KCNMA1: variants seen among roughly 807,000 people sequenced by gnomAD.
KCNMA1 encodes the protein Calcium-activated potassium channel subunit alpha-1.
KCNMA1 carries 29 observed loss-of-function variants against 140.0 expected under a neutral mutation model. The ratio of observed to expected loss-of-function variants is 0.21; its 90% CI spans 0.15 to 0.28. KCNMA1 has a LOEUF of 0.28. KCNMA1 is among the 10% of genes least tolerant of loss of function. The pLI, the probability that KCNMA1 is intolerant of heterozygous loss-of-function variation, is 1.00. For synonymous variants in KCNMA1, 612 were observed against 611.9 expected (o/e 1.00, Z 0.00); for missense variants, 880 against 1,602.2 (o/e 0.55, Z 7.70).
At chr10:77,450,802 T>G (rs1013584860) in intron 1 of KCNMA1, among the ~76,000 whole-genome samples, 1 of 152,228 alleles carries the variant, frequency 6.6e-6, no homozygotes, top group Non-Finnish European at 1.5e-5. Flanking sequence ...TTTGGCTCTG[T>G]GTCCCCACTC....
intron 3 of KCNMA1, among the ~76,000 whole-genome samples, chr10:77,220,969 A>C (rs2049435022): frequency 1.3e-5 from 2 of 152,174 alleles, no homozygotes; most frequent in South Asian, 4.2e-4. Context: ...TAGAGAGTGG[A>C]TAGGTGGAAG....
At chr10:77,609,707 A>G (rs1280813248) in intron 1 of KCNMA1, among the ~76,000 whole-genome samples, 1 of 152,172 alleles carries the variant, frequency 6.6e-6, no homozygotes, top group African/African-American at 2.4e-5. Flanking sequence ...AAACAAGTAC[A>G]ATTTTTATTT....
At chr10:77,265,331 C>T (rs746348155) in intron 2 of KCNMA1, among the ~76,000 whole-genome samples, 2 of 152,194 alleles carry the variant, frequency 1.3e-5, no homozygotes, top group African/African-American at 2.4e-5. Context: ...GGATTACAGG[C>T]GTGAGCCACT....
Position 77,323,787 on chromosome 10 carries a change from G to T in KCNMA1, c.541-72531C>A, listed in dbSNP as rs758994383. Among the ~76,000 whole-genome samples the T allele has an allele frequency of 3.3e-4, 51 of 152,304 alleles. 2 individuals are homozygous for T. Among genetic ancestry groups the T allele is most frequent in the South Asian group, 1.7e-3 (8 of 4,828 alleles). On this transcript the variant is annotated intron_variant, in intron 2 of 27. Transcript: ENST00000286628. ...AGTCAAGTTCCATGTCAGGCCTGTT[G>T]GATCTTTTTCCTGCCATAGAGGGAG...
At chr10:77,567,498 A>C (rs1408959046) in intron 1 of KCNMA1, among the ~76,000 whole-genome samples, 1 of 152,234 alleles carries the variant, frequency 6.6e-6, no homozygotes, top group Non-Finnish European at 1.5e-5. Flanking sequence ...CCCTTTGTTC[A>C]TCTCAGGAGC....
chr10:77,023,556 C>T (rs1022029630), intron 16 of KCNMA1, among the ~76,000 whole-genome samples: 7 of 152,168 alleles, frequency 4.6e-5, no homozygotes, highest in Non-Finnish European at 1.0e-4. Context: ...ATGCTATGCC[C>T]AGATGAATCA....
chr10:77,632,081 C>A (rs1490482225), intron 1 of KCNMA1, among the ~76,000 whole-genome samples: 1 of 152,202 alleles, frequency 6.6e-6, no homozygotes. Flanking sequence ...GACACTGAAG[C>A]AAGACTGCTC....
chr10:77,196,395 G>C (rs2040489077), intron 3 of KCNMA1, among the ~76,000 whole-genome samples: 1 of 152,162 alleles, frequency 6.6e-6, no homozygotes, highest in Admixed American at 6.5e-5. Context: ...CGTTCATAAA[G>C]TGAGAATATG....
chr10:77,583,600 T>C (rs773591473), intron 1 of KCNMA1, among the ~76,000 whole-genome samples: 11 of 152,226 alleles, frequency 7.2e-5, no homozygotes, highest in Non-Finnish European at 1.5e-4. Flanking sequence ...TGAGGGAAAC[T>C]GACTCTTCCT....
chr10:77,371,134 C>T (rs1464650918), intron 2 of KCNMA1, among the ~76,000 whole-genome samples: 1 of 152,226 alleles, frequency 6.6e-6, no homozygotes, highest in Non-Finnish European at 1.5e-5. Flanking sequence ...ATTCATACTA[C>T]TTACCCAACA....
At position 76,965,727 on chromosome 10, in the gene KCNMA1, A is replaced by G; in HGVS notation, c.2360+4247T>C. ...GATTTACCAGACTTTACATTTCTGT[A>G]CCTCAACATACTCACCTGTAAAATG... On this transcript the variant is annotated intron_variant, in intron 20 of 27. Coordinates refer to ENST00000286628, the MANE Select transcript of KCNMA1 (RefSeq NM_001161352.2). Among the ~76,000 whole-genome samples, 2 of 152,192 alleles carry G rather than the reference A, an allele frequency of 1.3e-5. 1 individual carries two copies. The highest frequency in any genetic ancestry group is 2.9e-5 in the Non-Finnish European group (2 of 68,032).
chr10:77,120,391 G>A (rs2097568871), intron 6 of KCNMA1, among the ~76,000 whole-genome samples: 1 of 152,150 alleles, frequency 6.6e-6, no homozygotes, highest in Non-Finnish European at 1.5e-5. Context: ...TCGGCAGGAG[G>A]TTTGTAGGTT....
chr10:76,931,475 T>C (rs888929896), intron 23 of KCNMA1, among the ~76,000 whole-genome samples: 15 of 150,500 alleles, frequency 1.0e-4, no homozygotes, highest in Non-Finnish European at 1.6e-4. Context: ...AGAACTAATA[T>C]GCTATAGGTT....
intron 5 of KCNMA1, among the ~76,000 whole-genome samples, chr10:77,174,461 T>C (rs1038587390): frequency 6.6e-6 from 1 of 152,186 alleles, no homozygotes; most frequent in African/African-American, 2.4e-5. Flanking sequence ...TCTATGATGA[T>C]GGAATGTTCC....
chr10:77,143,088 A>G (rs571715703), intron 5 of KCNMA1, among the ~76,000 whole-genome samples: 1 of 152,304 alleles, frequency 6.6e-6, no homozygotes, highest in East Asian at 1.9e-4. Flanking sequence ...AATAATCATG[A>G]CATTGAAACC....
intron 20 of KCNMA1, among the ~76,000 whole-genome samples, chr10:76,967,378 G>A (rs558734981): frequency 1.3e-5 from 2 of 152,264 alleles, no homozygotes; most frequent in East Asian, 3.9e-4. Context: ...AAGAGGCGGG[G>A]GCAACTGGAA....
chr10:77,344,372 A>G (rs1393300269), intron 2 of KCNMA1, among the ~76,000 whole-genome samples: 1 of 152,216 alleles, frequency 6.6e-6, no homozygotes, highest in African/African-American at 2.4e-5. Context: ...TGAAGGAAGC[A>G]AGGTGAAAAG....
At position 77,540,845 on chromosome 10, in the gene KCNMA1, A is replaced by G. The variant is rs190825367; in HGVS notation, c.378+96420T>C. ...GCGAAACCCCAACTCTACTAAAAAT[A>G]CACAAAAAAAATAGCTGAGTGTGGT... On this transcript the variant is annotated intron_variant, in intron 1 of 27. Transcript: ENST00000286628. Among the ~76,000 whole-genome samples, 34 of 152,270 alleles carry G rather than the reference A, an allele frequency of 2.2e-4. No individual in the cohort carries two copies. The East Asian group carries it at 4.6e-3, about 21-fold the overall frequency.
chr10:77,577,434 C>G (rs1234865135), intron 1 of KCNMA1, among the ~76,000 whole-genome samples: 2 of 152,104 alleles, frequency 1.3e-5, no homozygotes, highest in African/African-American at 4.8e-5. Context: ...TCATCAAGGA[C>G]CGGGAGAGAC....
Sources: allele counts gnomAD v4.1 joint callset (sites outside exome capture counted in the v4.1 genomes callset), GRCh38; gene constraint gnomAD v4.1.1; transcripts MANE v1.5; gene names NCBI Gene and HGNC (gene_info 2026-07-23, HGNC 2026-07-21).